PRDM2: variants seen among roughly 807,000 people sequenced by gnomAD.
The protein encoded by PRDM2 is PR domain zinc finger protein 2.
A neutral mutation model predicts 130.0 loss-of-function variants in PRDM2; 30 were observed. The ratio of observed to expected loss-of-function variants is 0.23; its 90% confidence interval spans 0.17 to 0.31. PRDM2 has a LOEUF of 0.31. Ranked by LOEUF, PRDM2 falls within the 10% of genes least tolerant of loss-of-function variation. The pLI is 1.00. For synonymous variants in PRDM2, 871 were observed against 782.4 expected, an observed-to-expected ratio of 1.11 and a Z score of -1.89; for missense variants, 2,011 against 2,108.4, an observed-to-expected ratio of 0.95 and a Z score of 0.90.
rs534865432 is a variant in PRDM2 at position 13,800,063 on chromosome 1, C to CCATT, written c.5037-16340_5037-16337dup. 1.6e-3 allele frequency among the ~76,000 whole-genome samples: 246 copies of CCATT among 151,978 alleles called. 2 individuals are homozygous for CCATT. The highest frequency in any genetic ancestry group is 3.5e-3 in the East Asian group (18 of 5,156). On this transcript the variant is annotated intron_variant, in intron 8 of 9. Coordinates refer to ENST00000311066, the MANE Select transcript of PRDM2 (RefSeq NM_001393986.1). ...TCCAGAAAGGCAGTGCAGATCTTGG[C>CCATT]CATTCATTCATTCATTCATTCATTC...
Position 13,779,964 on chromosome 1 carries a change from A to G in PRDM2, c.2169A>G (p.Ala723=), listed in dbSNP as rs549031819. 3.1e-6 allele frequency: 5 copies of G among 1,614,222 alleles called. No homozygotes were observed. The highest frequency in any genetic ancestry group is 4.2e-6 in the Non-Finnish European group (5 of 1,180,032). The stretch of plus-strand genomic sequence containing the variant: ...GTCCTGTTTGTGTGTCTGCTCCTGC[A>G]TCAATGTTGCCTGTGACCTCAAGTA... ...KLGPVCVSAP[A]SMLPVTSSRF... The change falls in exon 8 of 10, where the codon GCA becomes GCG. Residue 723 remains alanine, a synonymous_variant. Coordinates refer to ENST00000311066, the MANE Select transcript of PRDM2 (RefSeq NM_001393986.1). The surrounding 1 kb of genome is among the most constrained non-coding windows in gnomAD (Gnocchi z 4.9).
intron 2 of PRDM2, among the ~76,000 whole-genome samples, chr1:13,726,772 A>G (rs1424097087): frequency 6.6e-6 from 1 of 152,200 alleles, no homozygotes; most frequent in East Asian, 1.9e-4. Flanking sequence ...CAGTCAAATA[A>G]TGAGTCCTCA....
intron 8 of PRDM2, among the ~76,000 whole-genome samples, chr1:13,807,367 G>T (rs1400583056): frequency 6.6e-6 from 1 of 152,224 alleles, no homozygotes. Flanking sequence ...GGTGCTGGAG[G>T]TGCCTCCGTG....
chr1:13,755,258 A>T (rs1433657408), intron 6 of PRDM2, among the ~76,000 whole-genome samples: 1 of 152,186 alleles, frequency 6.6e-6, no homozygotes, highest in Non-Finnish European at 1.5e-5. Flanking sequence ...GGATTAACGT[A>T]AATTTTTCAA....
intron 8 of PRDM2, among the ~76,000 whole-genome samples, chr1:13,802,405 G>A (rs1481893922): frequency 2.0e-5 from 3 of 152,166 alleles, no homozygotes; most frequent in Admixed American, 6.5e-5. Context: ...GCGCCACAGG[G>A]AGCAGCTGCC....
chr1:13,704,462 T>C (rs1234063713), intron 1 of PRDM2, among the ~76,000 whole-genome samples: 1 of 152,226 alleles, frequency 6.6e-6, no homozygotes, highest in African/African-American at 2.4e-5. Flanking sequence ...AAAGGAGATT[T>C]TACTGAATAC....
At position 13,780,972 on chromosome 1, in the gene PRDM2, C is replaced by T. The variant is rs771661818; in HGVS notation, c.3177C>T (p.Ser1059=). ...PTLSSSSSSS[S]SSSSFSSSSS... is the part of the protein sequence containing the mutation. ...TTTCTTCTTCCTCCTCTTCATCTTC[C>T]TCCTCCTCTTCGTTTTCTTCTTCAT... The change falls in exon 8 of 10, where the codon TCC becomes TCT. Residue 1059 remains serine, a synonymous_variant. Transcript: ENST00000311066. 1.9e-5 allele frequency: 31 copies of T among 1,602,586 alleles called. No homozygotes were observed. The highest frequency in any genetic ancestry group is 2.3e-5 in the Non-Finnish European group (27 of 1,169,954).
At position 13,740,434 on chromosome 1, in the gene PRDM2, G is replaced by A. The variant is rs182385422; in HGVS notation, c.232-1571G>A. 5.8e-4 allele frequency among the ~76,000 whole-genome samples: 88 copies of A among 152,288 alleles called. 1 individual carries two copies. The highest frequency in any genetic ancestry group is 1.9e-3 in the African/African-American group (81 of 41,566). ...TTTATGTTGCAGATGGGGTAATAATGTAAGTTACTGTGTACAGATACTCTC... is the reference window on the plus strand; with the variant it reads ...TTTATGTTGCAGATGGGGTAATAATATAAGTTACTGTGTACAGATACTCTC... On this transcript the variant is annotated intron_variant, in intron 4 of 9. Transcript: ENST00000311066.
chr1:13,707,935 G>A (rs1242882844), intron 1 of PRDM2, among the ~76,000 whole-genome samples: 1 of 151,912 alleles, frequency 6.6e-6, no homozygotes, highest in African/African-American at 2.4e-5. Context: ...GGGTTGCAGG[G>A]AATTATTGTA....
chr1:13,752,395 C>T (rs1425508048), intron 6 of PRDM2, among the ~76,000 whole-genome samples: 1 of 152,064 alleles, frequency 6.6e-6, no homozygotes, highest in Non-Finnish European at 1.5e-5. Flanking sequence ...AAAATAAGTT[C>T]CTTAGATGGA....
chr1:13,820,086 G>A (rs768454539), intron 9 of PRDM2, among the ~76,000 whole-genome samples: 4 of 152,312 alleles, frequency 2.6e-5, no homozygotes, highest in South Asian at 2.1e-4. Flanking sequence ...ACGGAGGGGC[G>A]TGTGGCAGAA....
chr1:13,770,412 C>T lies in PRDM2; in HGVS notation c.512-2666C>T, dbSNP rs140523712. ...CCTTTTGTTAAGATATAAATCTAGA[C>T]ATTTTACTTATTTAATACTCTATTT... On this transcript the variant is annotated intron_variant, in intron 6 of 9. Transcript: ENST00000311066. 5.3e-5 allele frequency: 22 copies of T among 413,530 alleles called. 1 individual carries two copies. Among genetic ancestry groups the T allele is most frequent in the African/African-American group, 3.6e-4 (17 of 47,046 alleles). 25.6% of individuals were successfully genotyped at this position (413,530 alleles called of 1,614,324 possible). A position where few individuals can be genotyped will look rare whatever the true frequency, so the allele number is the denominator to read the frequency against.
Position 13,782,627 on chromosome 1 carries a change from T to A in PRDM2, c.4832T>A (p.Leu1611Gln), listed in dbSNP as rs116341152. The A allele has an allele frequency of 4.5e-4, 722 of 1,614,150 alleles. 5 individuals carry two copies. In the African/African-American group the frequency reaches 8.8e-3, roughly 20 times the overall value. ...CTTTCCAGCAAAACATCACGGAGCC[T>A]GCACGTGAGGGTACAGAAAAGCAAA... is the stretch of plus-strand genomic sequence containing the variant. ...AQLSSKTSRS[L>Q]HVRVQKSKAV... is the part of the protein sequence containing the mutation. The change falls in exon 8 of 10, where the codon CTG becomes CAG. Residue 1611 changes from leucine (L) to glutamine (Q), a missense_variant. By Grantham distance (113) the Leu-to-Gln change is moderately radical. Transcript: ENST00000311066.
At chr1:13,797,536 A>G (rs999480456) in intron 8 of PRDM2, among the ~76,000 whole-genome samples, 3 of 152,256 alleles carry the variant, frequency 2.0e-5, no homozygotes, top group African/African-American at 7.2e-5. Context: ...GCCAGCTAAC[A>G]GCAGGTGTTT....
At chr1:13,794,522 T>A (rs545155844) in intron 8 of PRDM2, among the ~76,000 whole-genome samples, 3 of 152,316 alleles carry the variant, frequency 2.0e-5, no homozygotes, top group South Asian at 4.1e-4. Flanking sequence ...GGCTTTATCA[T>A]GTGTAGTTCT....
Position 13,806,944 on chromosome 1 carries a change from TC to T in PRDM2, c.5037-9477del. ...AAGGCGTAGTATCCGGACCGATTGA[TC>T]CCCCCACCCCAGGTCGTAGCCCACA... On this transcript the variant is annotated intron_variant, in intron 8 of 9. Transcript: ENST00000311066. The surrounding 1 kb of genome is among the most constrained non-coding windows in gnomAD (Gnocchi z 4.1). 6.6e-6 allele frequency among the ~76,000 whole-genome samples: 1 copy of T among 152,158 alleles called. No homozygotes were observed. The highest frequency in any genetic ancestry group is 2.1e-4 in the South Asian group (1 of 4,820).
intron 6 of PRDM2, among the ~76,000 whole-genome samples, chr1:13,753,792 G>A (rs533401306): frequency 3.3e-5 from 5 of 152,112 alleles, no homozygotes; most frequent in Non-Finnish European, 7.4e-5. Context: ...GAGGAAGGAG[G>A]AGGACATCAA....
At chr1:13,812,339 T>A (rs1459275213) in intron 8 of PRDM2, among the ~76,000 whole-genome samples, 1 of 136,420 alleles carries the variant, frequency 7.3e-6, no homozygotes, top group Non-Finnish European at 1.6e-5. Flanking sequence ...CAGCGGGGGG[T>A]CTCACAGGCC....
intron 8 of PRDM2, among the ~76,000 whole-genome samples, chr1:13,811,019 A>G (rs1645164764): frequency 1.3e-5 from 2 of 151,888 alleles, no homozygotes; most frequent in South Asian, 4.2e-4. Context: ...CCCCGTCTCT[A>G]CTAAAAATAC....
Sources: gnomAD v4.1 joint callset for allele counts (sites outside exome capture counted in the v4.1 genomes callset) on GRCh38, gnomAD v4.1.1 for gene constraint, Gnocchi (gnomAD v3.1) non-coding constraint, MANE v1.5 for transcripts, NCBI Gene and HGNC (gene_info 2026-07-23, HGNC 2026-07-21) for gene names.